Variants in ATP2B1 observed in about 807,000 individuals in gnomAD.
The protein encoded by ATP2B1 is ATPase plasma membrane Ca2+ transporting 1, also known as plasma membrane calcium-transporting ATPase 1.
A neutral mutation model predicts 124.2 loss-of-function variants in ATP2B1; 14 were observed. The ratio of observed to expected loss-of-function variants is 0.11; its 90% CI spans 0.07 to 0.18. The LOEUF (loss-of-function observed/expected upper bound fraction) is 0.18, where lower values mean the gene tolerates loss of function less well. Among genes scored for constraint, ATP2B1 ranks in the 10% least tolerant of loss-of-function variants. The pLI, the probability that ATP2B1 is intolerant of heterozygous loss-of-function variation, is 1.00. For missense variants in ATP2B1, 763 were observed against 1,466.1 expected, an observed-to-expected ratio of 0.52 and a Z score of 7.83; for synonymous variants, 449 against 492.4, an observed-to-expected ratio of 0.91 and a Z score of 1.17.
intron 1 of ATP2B1, among the ~76,000 whole-genome samples, chr12:89,669,755 T>C (rs1887723274): frequency 6.6e-6 from 1 of 152,152 alleles, no homozygotes; most frequent in Admixed American, 6.5e-5. Flanking sequence ...TCTAATAAAC[T>C]CTCCTATTTT....
At chr12:89,642,028 A>C in intron 3 of ATP2B1, 130 bp downstream of exon 3, 1 of 858,798 alleles carries the variant, frequency 1.2e-6, no homozygotes, top group Non-Finnish European at 1.8e-6. Flanking sequence ...AATATATTTA[A>C]GGTACTTAGA....
intron 1 of ATP2B1, among the ~76,000 whole-genome samples, chr12:89,692,776 G>A (rs1487236919): frequency 1.3e-5 from 2 of 152,012 alleles, no homozygotes; most frequent in Non-Finnish European, 2.9e-5. Flanking sequence ...ACCAAAAATT[G>A]GGTTGTCTTA....
At chr12:89,678,269 G>A (rs1888921466) in intron 1 of ATP2B1, among the ~76,000 whole-genome samples, 1 of 151,918 alleles carries the variant, frequency 6.6e-6, no homozygotes, top group African/African-American at 2.4e-5. Context: ...ATCCCCTCGT[G>A]GAATACAGAA....
intron 20 of ATP2B1, among the ~76,000 whole-genome samples, chr12:89,595,446 C>A (rs1874394568): frequency 2.0e-5 from 3 of 151,910 alleles, no homozygotes; most frequent in Non-Finnish European, 4.4e-5. Context: ...CTCTAGAGAC[C>A]TGTAAGAGTG....
intron 19 of ATP2B1, among the ~76,000 whole-genome samples, chr12:89,600,858 A>G (rs1016438830): frequency 7.2e-5 from 11 of 152,092 alleles, no homozygotes; most frequent in African/African-American, 2.7e-4. Context: ...CATGTTGGCC[A>G]GGCTGGTCTC....
intron 1 of ATP2B1, among the ~76,000 whole-genome samples, chr12:89,682,756 G>C (rs1889508886): frequency 6.6e-6 from 1 of 152,152 alleles, no homozygotes; most frequent in South Asian, 2.1e-4. Context: ...AGAAAACATA[G>C]GTGAACCACT....
intron 15 of ATP2B1, among the ~76,000 whole-genome samples, chr12:89,607,219 G>A (rs1207554756): frequency 1.3e-5 from 2 of 152,138 alleles, no homozygotes; most frequent in Admixed American, 1.3e-4. Flanking sequence ...TGGCATTCAA[G>A]GCCTTTTTAA....
intron 12 of ATP2B1, among the ~76,000 whole-genome samples, chr12:89,612,510 A>T (rs1446262116): frequency 6.6e-6 from 1 of 151,974 alleles, no homozygotes; most frequent in African/African-American, 2.4e-5. Flanking sequence ...ATGGAATGAG[A>T]CCCCAGTGTT....
At chr12:89,696,661 T>A (rs1891172116) in intron 1 of ATP2B1, among the ~76,000 whole-genome samples, 1 of 152,230 alleles carries the variant, frequency 6.6e-6, no homozygotes. Context: ...CATTGTCCTA[T>A]TTTCCAAACA....
chr12:89,666,110 T>C (rs1386738440), intron 1 of ATP2B1, among the ~76,000 whole-genome samples: 1 of 152,232 alleles, frequency 6.6e-6, no homozygotes. Context: ...TAAAGAACAG[T>C]TCAGTAAATC....
intron 1 of ATP2B1, among the ~76,000 whole-genome samples, chr12:89,694,970 T>A (rs1466833909): frequency 6.8e-6 from 1 of 146,034 alleles, no homozygotes; most frequent in South Asian, 2.1e-4. Flanking sequence ...GGTGGGAGGA[T>A]CACCTAAGCC....
intron 1 of ATP2B1, among the ~76,000 whole-genome samples, chr12:89,700,143 T>C (rs1891664423): frequency 6.6e-6 from 1 of 151,888 alleles, no homozygotes; most frequent in African/African-American, 2.4e-5. Flanking sequence ...CAGGAGCCAC[T>C]GCGCTCGGCC....
intron 20 of ATP2B1, among the ~76,000 whole-genome samples, chr12:89,591,604 C>A (rs1873583829): frequency 6.6e-6 from 1 of 151,764 alleles, no homozygotes; most frequent in South Asian, 2.1e-4. Context: ...AAATCAAACA[C>A]AAAACAAAAC....
intron 1 of ATP2B1, among the ~76,000 whole-genome samples, chr12:89,699,325 T>C (rs1891542978): frequency 6.6e-6 from 1 of 152,258 alleles, no homozygotes; most frequent in Admixed American, 6.5e-5. Flanking sequence ...GCTAGTAATA[T>C]GCCACTTGTT....
chr12:89,670,970 G>A (rs1448241417), intron 1 of ATP2B1, among the ~76,000 whole-genome samples: 1 of 150,304 alleles, frequency 6.7e-6, no homozygotes, highest in Non-Finnish European at 1.5e-5. Flanking sequence ...AAAAAAAGGG[G>A]TGGGGGGGCT....
At chr12:89,661,745 T>C (rs962018672) in intron 1 of ATP2B1, among the ~76,000 whole-genome samples, 1 of 152,240 alleles carries the variant, frequency 6.6e-6, no homozygotes, top group African/African-American at 2.4e-5. Context: ...TGTGTGTTTT[T>C]TTCTTTGTGT....
chr12:89,655,147 G>A (rs2136353553), intron 2 of ATP2B1, among the ~76,000 whole-genome samples: 1 of 152,248 alleles, frequency 6.6e-6, no homozygotes, highest in South Asian at 2.1e-4. Flanking sequence ...CTAAAAACTA[G>A]TTTCATTAAA....
chr12:89,604,114 A>C, intron 16 of ATP2B1, 41 bp downstream of exon 16: 1 of 1,575,980 alleles, frequency 6.3e-7, no homozygotes, highest in Non-Finnish European at 8.6e-7. Context: ...TACTTTTTAA[A>C]TTTAAAGTAA....
intron 11 of ATP2B1, among the ~76,000 whole-genome samples, chr12:89,617,492 T>C (rs1879177848): frequency 6.6e-6 from 1 of 152,150 alleles, no homozygotes; most frequent in African/African-American, 2.4e-5. Flanking sequence ...TATATTGTTT[T>C]AACCATGAAA....
Sources: gnomAD v4.1 joint callset for allele counts (sites outside exome capture counted in the v4.1 genomes callset) on GRCh38, gnomAD v4.1.1 for gene constraint, MANE v1.5 for transcripts, NCBI Gene and HGNC (gene_info 2026-07-23, HGNC 2026-07-21) for gene names.